PNISR: variants seen among roughly 807,000 people sequenced by gnomAD.
PNISR encodes arginine/serine-rich protein PNISR.
A neutral mutation model predicts 93.4 loss-of-function variants in PNISR; 20 were observed. The ratio of observed to expected loss-of-function variants is 0.21; its 90% CI spans 0.15 to 0.31. PNISR has a LOEUF of 0.31. Ranked by LOEUF, PNISR falls within the 10% of genes least tolerant of loss-of-function variation. The probability of loss-of-function intolerance (pLI) is 1.00; values close to 1 mark genes in which losing one functional copy is unlikely to be tolerated. For missense variants in PNISR, 893 were observed against 985.4 expected (o/e 0.91, Z 1.25); for synonymous variants, 305 against 306.5 (o/e 0.99, Z 0.05).
chr6:99,408,580 G>T (rs908512022), intron 6 of PNISR, among the ~76,000 whole-genome samples: 2 of 152,140 alleles, frequency 1.3e-5, no homozygotes, highest in African/African-American at 4.8e-5. Context: ...TAAAAAAGGA[G>T]TAAAGTTAGA....
chr6:99,402,734 T>G, intron 10 of PNISR, 24 bp from the exon 11 acceptor site: 1 of 1,503,192 alleles, frequency 6.7e-7, no homozygotes, highest in South Asian at 1.4e-5. Flanking sequence ...GCTCAGTCTA[T>G]CATATGAAAA....
rs1582793393 is a variant in PNISR, at chr6:99,408,280, C to T, written c.674-9G>A. 8 of 1,581,636 alleles carry T rather than the reference C, an allele frequency of 5.1e-6. No individual in the cohort carries two copies. The highest frequency in any genetic ancestry group is 4.5e-5 in the East Asian group (2 of 44,666). On this transcript the variant is annotated splice_polypyrimidine_tract_variant and intron_variant, in intron 6 of 11. Transcript: ENST00000369239. Reference sequence around the variant, plus strand: ...CCTGCGTTTTACTGCGTCTGTTTCACGTGGGAAAAATATACGCAAGTCAGT... The same window carrying T: ...CCTGCGTTTTACTGCGTCTGTTTCATGTGGGAAAAATATACGCAAGTCAGT...
Position 99,402,589 on chromosome 6 carries a change from A to C in PNISR, c.1278T>G (p.Phe426Leu). The C allele has an allele frequency of 6.2e-7, 1 of 1,613,666 alleles. No individual in the cohort carries two copies. The highest frequency in any genetic ancestry group is 8.5e-7 in the Non-Finnish European group (1 of 1,179,700). The change falls in exon 11 of 12, where the codon TTT becomes TTG. Residue 426 changes from phenylalanine to leucine, a missense_variant. By Grantham distance (22) the Phe-to-Leu change is conservative. Coordinates refer to ENST00000369239, the MANE Select transcript of PNISR (RefSeq NM_032870.4). Reference protein sequence around the residue: ...RHRIRQKQEAFWRKEKEQQLL... With the variant: ...RHRIRQKQEALWRKEKEQQLL... The stretch of plus-strand genomic sequence containing the variant: ...GCTGCTGTTCTTTTTCTTTTCTCCA[A>C]AAAGCTTCCTGTTTTTGCCGGATTC...
At chr6:99,420,808 G>A (rs1317618587) in intron 1 of PNISR, among the ~76,000 whole-genome samples, 1 of 152,164 alleles carries the variant, frequency 6.6e-6, no homozygotes, top group African/African-American at 2.4e-5. Context: ...AGTTAAAGAT[G>A]ACATACAATA....
chr6:99,424,678 A>T (rs1779197656), intron 1 of PNISR, among the ~76,000 whole-genome samples: 1 of 152,280 alleles, frequency 6.6e-6, no homozygotes, highest in Non-Finnish European at 1.5e-5. Flanking sequence ...TCTAATGCTC[A>T]ATTTGTTCAG....
rs1431734558 is a variant in PNISR at position 99,400,658 on chromosome 6, C to T, written c.2300G>A (p.Ser767Asn). ...CTTCTTAGCCTTCTTTTCTTTGCTA[C>T]TTCCTGGAGACTCAGAACTGCTCCT... ...SGRSSSESPGSSKEKKAKKPK... is the reference protein window; with the variant it reads ...SGRSSSESPGNSKEKKAKKPK... Residue 767 changes from serine (S) to asparagine (N), a missense_variant, in exon 12 of 12, where the codon AGT becomes AAT. Ser to Asn is a conservative substitution (Grantham distance 46). This residue lies in a region of PNISR where 866 missense variants were observed against 935.1 expected (regional missense o/e 0.93). Transcript: ENST00000369239. 3.1e-6 allele frequency: 5 copies of T among 1,613,930 alleles called. No homozygotes were observed. The highest frequency in any genetic ancestry group is 2.5e-6 in the Non-Finnish European group (3 of 1,179,882).
chr6:99,422,336 C>T (rs1368009681), intron 1 of PNISR, among the ~76,000 whole-genome samples: 1 of 152,112 alleles, frequency 6.6e-6, no homozygotes, highest in African/African-American at 2.4e-5. Flanking sequence ...AAATCAACCA[C>T]AAAGCTGAGA....
chr6:99,424,353 G>A (rs762549481), intron 1 of PNISR, among the ~76,000 whole-genome samples: 1 of 151,928 alleles, frequency 6.6e-6, no homozygotes, highest in Non-Finnish European at 1.5e-5. Flanking sequence ...TAGTGGGGAC[G>A]TCGTATGTGC....
In PNISR at chr6:99,400,634, T is replaced by C. The variant is rs773903505; in HGVS notation, c.2324A>G (p.Lys775Arg). 2 of 1,614,082 alleles carry C rather than the reference T, an allele frequency of 1.2e-6. No homozygotes were observed. Among genetic ancestry groups the C allele is most frequent in the Admixed American group, 3.3e-5 (2 of 60,008 alleles). The change falls in exon 12 of 12, where the codon AAG becomes AGG. Residue 775 changes from lysine (K) to arginine (R), a missense_variant. Lys to Arg is a conservative substitution (Grantham distance 26). Transcript: ENST00000369239. Reference sequence around the variant, plus strand: ...GGATCGCGATCGACTATGTTTAGGCTTCTTAGCCTTCTTTTCTTTGCTACT... The same window carrying C: ...GGATCGCGATCGACTATGTTTAGGCCTCTTAGCCTTCTTTTCTTTGCTACT... ...PGSSKEKKAKKPKHSRSRSVE... is the reference protein window; with the variant it reads ...PGSSKEKKAKRPKHSRSRSVE...
intron 5 of PNISR, 74 bp from the exon 6 acceptor site, chr6:99,409,418 A>G: frequency 7.5e-7 from 1 of 1,342,114 alleles, no homozygotes; most frequent in Non-Finnish European, 1.0e-6. Flanking sequence ...TGTGTTATGA[A>G]CTGGGACAGT....
At chr6:99,413,708 G>A (rs1043782858) in intron 3 of PNISR, among the ~76,000 whole-genome samples, 4 of 152,074 alleles carry the variant, frequency 2.6e-5, no homozygotes, top group Non-Finnish European at 1.5e-5. Flanking sequence ...AATGCATTAA[G>A]ATCTAATATT....
rs745966182 is a variant in PNISR, at chr6:99,401,155, GCTATTT to G, written c.1797_1802del (p.Arg599_Asn600del). The G allele has an allele frequency of 7.4e-6, 12 of 1,613,922 alleles. No homozygotes were observed. The South Asian group carries it at 1.2e-4, about 16-fold the overall frequency. ...GATTTCGTCGTCTTTCTCTTTCAAT[GCTATTT>G]CTATTAGATCTCCTTCTATCTCTAA... On this transcript the variant is annotated inframe_deletion, in exon 12 of 12. Transcript: ENST00000369239.
At chr6:99,418,822 C>A (rs1368269943) in intron 1 of PNISR, among the ~76,000 whole-genome samples, 1 of 152,140 alleles carries the variant, frequency 6.6e-6, no homozygotes, top group African/African-American at 2.4e-5. Flanking sequence ...GATGAGGGCA[C>A]AGGTGGAACA....
chr6:99,420,707 G>A (rs1451534981), intron 1 of PNISR, among the ~76,000 whole-genome samples: 1 of 152,126 alleles, frequency 6.6e-6, no homozygotes, highest in Non-Finnish European at 1.5e-5. Context: ...TTTACAAGTT[G>A]GTTTAAAAAT....
chr6:99,420,758 A>AC (rs1465643960), intron 1 of PNISR, among the ~76,000 whole-genome samples: 2 of 152,216 alleles, frequency 1.3e-5, no homozygotes, highest in Admixed American at 6.5e-5. Flanking sequence ...GGCATTTGCT[A>AC]CCCTCTTCTT....
At chr6:99,412,878 A>T (rs1582815866) in intron 3 of PNISR, 139 bp from the exon 4 acceptor site, 5 of 489,796 alleles carry the variant, frequency 1.0e-5, no homozygotes, top group East Asian at 9.7e-5. Context: ...AATTAGAAAA[A>T]TTTTTTTTGA....
chr6:99,403,853 C>A lies in PNISR; in HGVS notation c.1132G>T (p.Ala378Ser). ...APAKQLAQSS[A>S]LASLTGLGGL... ...CCGAGTCCAGTGAGGGAAGCCAGTG[C>A]ACTGGACTGTGCCAGCTGTTTTGCA... The change falls in exon 10 of 12, where the codon GCA becomes TCA. Residue 378 changes from alanine to serine, a missense_variant. Ala to Ser is a moderately conservative substitution (Grantham distance 99). Coordinates refer to ENST00000369239, the MANE Select transcript of PNISR (RefSeq NM_032870.4). 6.2e-7 allele frequency: 1 copy of A among 1,613,624 alleles called. No homozygotes were observed. Among genetic ancestry groups the A allele is most frequent in the Non-Finnish European group, 8.5e-7 (1 of 1,179,706 alleles).
At chr6:99,407,645 G>T (rs1169936346) in intron 7 of PNISR, among the ~76,000 whole-genome samples, 1 of 152,160 alleles carries the variant, frequency 6.6e-6, no homozygotes, top group African/African-American at 2.4e-5. Flanking sequence ...CCATCTAACT[G>T]AGGAAGATTT....
At chr6:99,408,632 C>T (rs912130193) in intron 6 of PNISR, among the ~76,000 whole-genome samples, 4 of 152,176 alleles carry the variant, frequency 2.6e-5, no homozygotes, top group African/African-American at 9.7e-5. Flanking sequence ...TTAACAAATG[C>T]TCCTGTCCAT....
Sources: gnomAD v4.1 joint callset for allele counts (sites outside exome capture counted in the v4.1 genomes callset) on GRCh38, gnomAD v4.1.1 for gene constraint, gnomAD v4.1.1 regional missense constraint, MANE v1.5 for transcripts, NCBI Gene and HGNC (gene_info 2026-07-23, HGNC 2026-07-21) for gene names.